NRXN3: variants seen among roughly 807,000 people sequenced by gnomAD.
The protein encoded by NRXN3 is neurexin 3.
In NRXN3, 32 loss-of-function variants were observed where a neutral mutation model predicts 137.6. That is an observed-to-expected ratio of 0.23 (90% CI 0.18 to 0.31). The LOEUF (loss-of-function observed/expected upper bound fraction) is 0.31, where lower values mean the gene tolerates loss of function less well. NRXN3 is among the 10% of genes least tolerant of loss of function. The pLI, the probability that NRXN3 is intolerant of heterozygous loss-of-function variation, is 1.00. For synonymous variants in NRXN3, 798 were observed against 784.5 expected, an observed-to-expected ratio of 1.02 and a Z score of -0.29; for missense variants, 1,574 against 2,062.5, an observed-to-expected ratio of 0.76 and a Z score of 4.59.
At chr14:79,099,670 C>G in intron 15 of NRXN3, among the ~76,000 whole-genome samples, 1 of 152,114 alleles carries the variant, frequency 6.6e-6, no homozygotes, top group South Asian at 2.1e-4. Flanking sequence ...TCTTATGAGA[C>G]ATGAGACATT....
chr14:78,517,315 C>T (rs2096223302), intron 4 of NRXN3, among the ~76,000 whole-genome samples: 1 of 152,076 alleles, frequency 6.6e-6, no homozygotes, highest in Non-Finnish European at 1.5e-5. Flanking sequence ...TGACAAGGCT[C>T]TTCTCTTACT....
intron 1 of NRXN3, among the ~76,000 whole-genome samples, chr14:78,208,127 G>T (rs1160706842): frequency 6.6e-6 from 1 of 152,192 alleles, no homozygotes. Context: ...ATAATTTGTA[G>T]GGTGTTAGAA....
intron 4 of NRXN3, among the ~76,000 whole-genome samples, chr14:78,416,645 C>T (rs146176702): frequency 1.0e-3 from 152 of 152,268 alleles, no homozygotes; most frequent in African/African-American, 3.4e-3. Flanking sequence ...TGCAGAATTG[C>T]GTCTTATAGT....
At chr14:78,688,483 G>C (rs148176465) in intron 6 of NRXN3, among the ~76,000 whole-genome samples, 232 of 152,266 alleles carry the variant, frequency 1.5e-3, no homozygotes, top group African/African-American at 5.4e-3. Context: ...TTGGTATAAA[G>C]AAGAGGCTAA....
chr14:79,083,343 C>G (rs2047432229), intron 15 of NRXN3, among the ~76,000 whole-genome samples: 1 of 152,154 alleles, frequency 6.6e-6, no homozygotes, highest in African/African-American at 2.4e-5. Context: ...GGAAAGGATC[C>G]CTGCCAGAAG....
intron 6 of NRXN3, among the ~76,000 whole-genome samples, chr14:78,690,509 A>T (rs757964003): frequency 2.4e-4 from 36 of 152,276 alleles, no homozygotes; most frequent in Non-Finnish European, 4.9e-4. Context: ...ACTAAATTGT[A>T]AGCTCCTTAA....
At chr14:79,831,510 T>C (rs1377276582) in intron 20 of NRXN3, among the ~76,000 whole-genome samples, 2 of 152,204 alleles carry the variant, frequency 1.3e-5, no homozygotes, top group East Asian at 1.9e-4. Flanking sequence ...ATTTCTTAGA[T>C]ATCAAGTTTC....
At chr14:79,435,058 A>G (rs1194057338) in intron 15 of NRXN3, among the ~76,000 whole-genome samples, 1 of 152,184 alleles carries the variant, frequency 6.6e-6, no homozygotes, top group East Asian at 1.9e-4. Flanking sequence ...ACTGCAACTG[A>G]ATATCTGATT....
At chr14:78,837,492 G>GT (rs57740252) in intron 10 of NRXN3, among the ~76,000 whole-genome samples, 9,873 of 149,412 alleles carry the variant, frequency 0.066, 435 homozygotes, top group East Asian at 0.25. Flanking sequence ...ATTTTTGTGG[G>GT]TTTTTTTTTT....
chr14:79,727,700 T>C (rs975786313), intron 19 of NRXN3, among the ~76,000 whole-genome samples: 3 of 152,170 alleles, frequency 2.0e-5, no homozygotes, highest in Non-Finnish European at 4.4e-5. Flanking sequence ...TCATCTACTG[T>C]GAATGACCCT....
At chr14:79,363,366 A>C (rs1396995949) in intron 15 of NRXN3, among the ~76,000 whole-genome samples, 1 of 152,190 alleles carries the variant, frequency 6.6e-6, no homozygotes, top group Admixed American at 6.5e-5. Context: ...ATCTGTCAGA[A>C]GCTATATACC....
intron 4 of NRXN3, among the ~76,000 whole-genome samples, chr14:78,481,655 G>GA (rs2095475404): frequency 6.6e-6 from 1 of 152,140 alleles, no homozygotes; most frequent in Non-Finnish European, 1.5e-5. Flanking sequence ...ATTCTTTATG[G>GA]AAAATCACAA....
At chr14:78,987,019 CAAAAAAAAA>C (rs36081362) in intron 14 of NRXN3, among the ~76,000 whole-genome samples, 2 of 54,102 alleles carry the variant, frequency 3.7e-5, no homozygotes, top group Non-Finnish European at 8.3e-5. Flanking sequence ...GAGACTGTCT[CAAAAAAAAA>C]AAAAAAAAAA....
intron 15 of NRXN3, among the ~76,000 whole-genome samples, chr14:79,388,428 C>T (rs534057220): frequency 7.9e-5 from 12 of 151,792 alleles, no homozygotes; most frequent in Admixed American, 1.3e-4. Flanking sequence ...ATGATTTGTG[C>T]GTATGTCTTG....
intron 10 of NRXN3, among the ~76,000 whole-genome samples, chr14:78,943,682 CAAAG>C (rs762061280): frequency 2.0e-4 from 16 of 80,042 alleles, no homozygotes; most frequent in Non-Finnish European, 4.0e-4. Flanking sequence ...ATATATATCT[CAAAG>C]AATCTAGAAA....
At chr14:79,062,610 A>T (rs1173821158) in intron 15 of NRXN3, among the ~76,000 whole-genome samples, 1 of 152,212 alleles carries the variant, frequency 6.6e-6, no homozygotes, top group African/African-American at 2.4e-5. Context: ...TTTTGTCAGG[A>T]CACAAAGTGC....
At chr14:79,823,506 G>A (rs1187064595) in intron 20 of NRXN3, among the ~76,000 whole-genome samples, 1 of 152,028 alleles carries the variant, frequency 6.6e-6, no homozygotes, top group Non-Finnish European at 1.5e-5. Flanking sequence ...AGCCTGGGAG[G>A]TCAAGGGTGC....
intron 15 of NRXN3, among the ~76,000 whole-genome samples, chr14:79,453,873 A>G (rs915624779): frequency 3.9e-5 from 6 of 152,064 alleles, no homozygotes; most frequent in African/African-American, 1.2e-4. Flanking sequence ...CTGATTTCTC[A>G]TGCTCACTGA....
intron 1 of NRXN3, among the ~76,000 whole-genome samples, chr14:78,233,909 C>T (rs974219800): frequency 9.2e-5 from 14 of 152,184 alleles, no homozygotes; most frequent in African/African-American, 3.4e-4. Flanking sequence ...TATGGCTTAG[C>T]TGTGTCCCCA....
Sources: gnomAD v4.1 joint callset for allele counts (sites outside exome capture counted in the v4.1 genomes callset) on GRCh38, gnomAD v4.1.1 for gene constraint, MANE v1.5 for transcripts, NCBI Gene and HGNC (gene_info 2026-07-23, HGNC 2026-07-21) for gene names.